Variants in CCDC57 observed in about 807,000 individuals in gnomAD.
CCDC57 encodes the protein coiled-coil domain-containing protein 57.
Under a neutral mutation model 118.9 loss-of-function variants are expected in CCDC57, and 118 were observed. The ratio of observed to expected loss-of-function variants is 0.99; its 90% CI spans 0.86 to 1.16. The LOEUF (loss-of-function observed/expected upper bound fraction) is 1.16. CCDC57 is among the 50% of genes most tolerant of loss of function. The pLI is 0.00. For missense variants in CCDC57, 1,300 were observed against 1,320.7 expected (o/e 0.98, Z 0.24); for synonymous variants, 527 against 532.9 (o/e 0.99, Z 0.15).
At chr17:82,124,872 A>G (rs2037205862) in intron 19 of CCDC57, among the ~76,000 whole-genome samples, 1 of 152,156 alleles carries the variant, frequency 6.6e-6, no homozygotes. Context: ...GAGAAAGGAA[A>G]CAAGCAAACG....
intron 17 of CCDC57, among the ~76,000 whole-genome samples, chr17:82,131,765 T>C (rs958643044): frequency 6.8e-6 from 1 of 148,120 alleles, no homozygotes; most frequent in African/African-American, 2.5e-5. Context: ...TATAAATAAA[T>C]ACATTTTAAA....
intron 7 of CCDC57, 77 bp downstream of exon 6, chr17:82,193,679 T>C (rs2047950653): frequency 7.4e-7 from 1 of 1,342,368 alleles, no homozygotes; most frequent in Admixed American, 2.0e-5. Context: ...CCCTGGGCCA[T>C]CAGCACAATG....
intron 11 of CCDC57, chr17:82,175,786 G>A (rs4580245): frequency 0.71 from 108,077 of 152,072 alleles, 39,135 homozygotes; most frequent in East Asian, 0.95. Context: ...AATTAACTGA[G>A]ACCTGTCTGA....
intron 19 of CCDC57, among the ~76,000 whole-genome samples, chr17:82,111,172 T>TGCAC (rs557174670): frequency 5.3e-5 from 8 of 151,338 alleles, no homozygotes; most frequent in Non-Finnish European, 1.0e-4. Context: ...CTCGGCTCAC[T>TGCAC]GCAAGCTCTG....
chr17:82,127,610 T>C (rs766891167), intron 19 of CCDC57, 82 bp downstream of exon 18: 11 of 1,496,384 alleles, frequency 7.4e-6, no homozygotes, highest in Non-Finnish European at 9.8e-6. Flanking sequence ...CGCAGGGTGC[T>C]GACTCTCCAC....
At chr17:82,171,967 TC>T in intron 12 of CCDC57, 114 bp from the exon 12 acceptor site, 1 of 1,058,026 alleles carries the variant, frequency 9.5e-7, no homozygotes, top group Non-Finnish European at 1.4e-6. Context: ...AGCTTCACTG[TC>T]CCTGTCCTCC....
intron 11 of CCDC57, among the ~76,000 whole-genome samples, chr17:82,173,237 G>A (rs2045005815): frequency 6.6e-6 from 1 of 152,126 alleles, no homozygotes; most frequent in Non-Finnish European, 1.5e-5. Flanking sequence ...CCGTGTGAAT[G>A]CGCTTCATGC....
intron 16 of CCDC57, among the ~76,000 whole-genome samples, chr17:82,137,685 T>A (rs1379141681): frequency 1.3e-5 from 2 of 151,738 alleles, no homozygotes; most frequent in Non-Finnish European, 2.9e-5. Flanking sequence ...TTTCTTTTTT[T>A]TTTTTTTGAG....
At chr17:82,183,542 C>T (rs1301434252) in intron 9 of CCDC57, among the ~76,000 whole-genome samples, 2 of 152,122 alleles carry the variant, frequency 1.3e-5, no homozygotes, top group Non-Finnish European at 2.9e-5. Flanking sequence ...TTATTACAGA[C>T]TGAGAAACAC....
At chr17:82,107,329 G>T in intron 19 of CCDC57, 1 of 435,698 alleles carries the variant, frequency 2.3e-6, no homozygotes, top group Non-Finnish European at 4.7e-6. Flanking sequence ...GGGGATGCAT[G>T]GCACAGTGGC....
exon 5 of CCDC57, chr17:82,195,322 G>A: frequency 6.2e-7 from 1 of 1,601,882 alleles, no homozygotes; most frequent in Non-Finnish European, 8.5e-7. Flanking sequence ...CGGAATTCGT[G>A]CTCCCTCTTC....
At chr17:82,103,178 C>T (rs936649115) in intron 19 of CCDC57, among the ~76,000 whole-genome samples, 2 of 152,234 alleles carry the variant, frequency 1.3e-5, no homozygotes, top group African/African-American at 4.8e-5. Context: ...TGGGGGCAGC[C>T]ACACACTCCC....
At chr17:82,197,055 TCG>T (rs2048393805) in intron 4 of CCDC57, among the ~76,000 whole-genome samples, 2 of 129,696 alleles carry the variant, frequency 1.5e-5, no homozygotes, top group Admixed American at 8.1e-5. Flanking sequence ...ATGCAGCCCC[TCG>T]TGACTCCTGC....
In CCDC57 at chr17:82,201,816, CAGCTGGCTCCGTGTGTCCTGCAG is replaced by C; in HGVS notation, c.106_128del (p.Leu36GlyfsTer32). 2 of 1,613,594 alleles carry C rather than the reference CAGCTGGCTCCGTGTGTCCTGCAG, an allele frequency of 1.2e-6. No individual in the cohort carries two copies. The highest frequency in any genetic ancestry group is 1.7e-6 in the Non-Finnish European group (2 of 1,179,730). The stretch of plus-strand genomic sequence containing the variant: ...ACCGCAGTTTCCCCTGCGCCTCCTC[CAGCTGGCTCCGTGTGTCCTGCAG>C]AGCCGCCTCCTGCAGCTGGGTGCGG... On this transcript the variant is annotated frameshift_variant, in exon 3 of 20. Transcript: ENST00000665763. LOFTEE classifies it high-confidence loss of function.
At chr17:82,150,297 G>A (rs1598935957) in intron 16 of CCDC57, among the ~76,000 whole-genome samples, 1 of 96,298 alleles carries the variant, frequency 1.0e-5, no homozygotes, top group Admixed American at 1.2e-4. Flanking sequence ...CCAGAACCTG[G>A]TGCACACCCA....
intron 2 of CCDC57, 131 bp from the exon 2 acceptor site, chr17:82,202,083 C>G: frequency 1.1e-6 from 1 of 942,708 alleles, no homozygotes; most frequent in South Asian, 1.8e-5. Flanking sequence ...GTAATCCCAG[C>G]CCTTTGGGAG....
In CCDC57 at chr17:82,151,247, C is replaced by CCTGACCCACACCCAGAAT. The variant is rs2042006522; in HGVS notation, c.2455+312_2455+313insATTCTGGGTGTGGGTCAG. On this transcript the variant is annotated intron_variant, in intron 16 of 19. Coordinates refer to ENST00000665763, the Ensembl canonical transcript of CCDC57. The stretch of plus-strand genomic sequence containing the variant: ...CCCAGAACCTGGCACACACCCAGAA[C>CCTGACCCACACCCAGAAT]CTGGCACACACCCAGAACCTGACCC... Among the ~76,000 whole-genome samples the CCTGACCCACACCCAGAAT allele has an allele frequency of 3.4e-5, 5 of 148,852 alleles. No homozygotes were observed. In the South Asian group the frequency reaches 1.1e-3, roughly 33 times the overall value.
At position 82,148,136 on chromosome 17, in the gene CCDC57, TG is replaced by T. The variant is rs1598904562; in HGVS notation, c.2455+3423del. 1.8e-3 allele frequency among the ~76,000 whole-genome samples: 62 copies of T among 33,570 alleles called. 2 individuals carry two copies. The East Asian group carries it at 0.26, about 141-fold the overall frequency. The allele number at this position is 33,570 out of a possible 152,430, so 22.0% of individuals were successfully genotyped here. On this transcript the variant is annotated intron_variant, in intron 16 of 19. Coordinates refer to ENST00000665763, the Ensembl canonical transcript of CCDC57. ...GTGGTTGGATGGTTAGATGGATGGA[TG>T]GATGGATGGATGGATGGATGGATGG...
At chr17:82,143,639 G>A (rs1356760961) in intron 16 of CCDC57, among the ~76,000 whole-genome samples, 2 of 152,120 alleles carry the variant, frequency 1.3e-5, no homozygotes, top group Non-Finnish European at 2.9e-5. Flanking sequence ...AACAATGACT[G>A]AGAATTTTAA....
Sources: gnomAD v4.1 joint callset for allele counts (sites outside exome capture counted in the v4.1 genomes callset) on GRCh38, gnomAD v4.1.1 for gene constraint, MANE v1.5 for transcripts, NCBI Gene and HGNC (gene_info 2026-07-23, HGNC 2026-07-21) for gene names.